The following OPCML variants were observed in gnomAD, a reference collection of about 807,000 sequenced individuals.
OPCML encodes the protein opioid binding protein/cell adhesion molecule like.
Under a neutral mutation model 37.8 loss-of-function variants are expected in OPCML, and 13 were observed. The observed-to-expected ratio is 0.34, with a 90% confidence interval of 0.22 to 0.55. The LOEUF (loss-of-function observed/expected upper bound fraction) is 0.55, where lower values mean the gene tolerates loss of function less well. Ranked by LOEUF, OPCML falls within the 20% of genes least tolerant of loss-of-function variation. The probability of loss-of-function intolerance (pLI) is 0.91; values close to 1 mark genes in which losing one functional copy is unlikely to be tolerated. For synonymous variants in OPCML, 176 were observed against 168.8 expected, an observed-to-expected ratio of 1.04 and a Z score of -0.33; for missense variants, 341 against 435.6, an observed-to-expected ratio of 0.78 and a Z score of 1.93.
At chr11:132,721,928 A>G (rs1052113264) in intron 2 of OPCML, among the ~76,000 whole-genome samples, 1 of 149,478 alleles carries the variant, frequency 6.7e-6, no homozygotes, top group African/African-American at 2.5e-5. Context: ...AAACAAAGGG[A>G]ATGTATTTTT....
chr11:132,685,673 C>T (rs921903934), intron 2 of OPCML, among the ~76,000 whole-genome samples: 4 of 152,142 alleles, frequency 2.6e-5, no homozygotes, highest in Admixed American at 6.5e-5. Context: ...TAACACACTC[C>T]CCCCATCTTT....
chr11:132,503,341 A>G (rs2096249674), intron 4 of OPCML, among the ~76,000 whole-genome samples: 1 of 152,150 alleles, frequency 6.6e-6, no homozygotes, highest in Admixed American at 6.5e-5. Flanking sequence ...ACTGAAATTC[A>G]CAGCAGTCAG....
chr11:132,441,158 C>CTTTTTTTTTTTTTTTTTTTTTTT lies in OPCML; in HGVS notation c.506-3800_506-3799insAAAAAAAAAAAAAAAAAAAAAAA, dbSNP rs749099654. ...ATTCTGAAGATGTGTTCACCAAGGA[C>CTTTTTTTTTTTTTTTTTTTTTTT]TTTTTTGTTTTTTTTTTTTTTTTTT... On this transcript the variant is annotated intron_variant, in intron 4 of 7. Transcript: ENST00000524381. 2.1e-4 allele frequency among the ~76,000 whole-genome samples: 23 copies of CTTTTTTTTTTTTTTTTTTTTTTT among 108,048 alleles called. 1 individual carries two copies. The highest frequency in any genetic ancestry group is 4.0e-4 in the African/African-American group (9 of 22,762). The allele number at this position is 108,048 out of a possible 152,430, so 70.9% of individuals were successfully genotyped here.
chr11:133,340,608 C>CTG (rs5795838), intron 1 of OPCML, among the ~76,000 whole-genome samples: 8,160 of 139,352 alleles, frequency 0.059, 263 homozygotes, highest in South Asian at 0.15. Flanking sequence ...AAGACTCTCT[C>CTG]TGTGTGTGTG....
chr11:133,439,292 G>GTT (rs61423385), intron 1 of OPCML: 767 of 873,992 alleles, frequency 8.8e-4, no homozygotes, highest in Middle Eastern at 4.6e-3. Flanking sequence ...AGTAAAAGAT[G>GTT]TTTTTTTTTT....
chr11:132,743,629 A>G (rs572835311), intron 2 of OPCML, among the ~76,000 whole-genome samples: 1 of 152,332 alleles, frequency 6.6e-6, no homozygotes, highest in South Asian at 2.1e-4. Flanking sequence ...CCTGGAATCC[A>G]AAGGAAAAGC....
intron 2 of OPCML, among the ~76,000 whole-genome samples, chr11:132,895,556 T>C (rs1943807017): frequency 6.6e-6 from 1 of 152,158 alleles, no homozygotes; most frequent in African/African-American, 2.4e-5. Flanking sequence ...AGTGAGGCCA[T>C]TGGTTGAGAC....
intron 1 of OPCML, chr11:133,065,379 C>T (rs1948425086): frequency 6.6e-6 from 1 of 152,220 alleles, no homozygotes; most frequent in African/African-American, 2.4e-5. Context: ...GCCTGTGCTC[C>T]AGGGCAGAGG....
intron 4 of OPCML, among the ~76,000 whole-genome samples, chr11:132,512,797 G>A (rs1215034366): frequency 1.3e-5 from 2 of 151,780 alleles, no homozygotes; most frequent in Middle Eastern, 3.4e-3. Context: ...ATATATAACA[G>A]CAGAAAACAT....
chr11:132,512,918 T>C (rs34434047), intron 4 of OPCML, among the ~76,000 whole-genome samples: 262 of 152,116 alleles, frequency 1.7e-3, no homozygotes, highest in Non-Finnish European at 2.4e-3. Flanking sequence ...ATAGTGATTA[T>C]ATAGATATAT....
At chr11:133,378,131 C>CT (rs1459553231) in intron 1 of OPCML, among the ~76,000 whole-genome samples, 2 of 152,164 alleles carry the variant, frequency 1.3e-5, no homozygotes, top group Non-Finnish European at 2.9e-5. Context: ...TCCCCAAAGC[C>CT]TTTTCTTTTC....
chr11:133,529,228 TG>T (rs1227127874), intron 1 of OPCML, among the ~76,000 whole-genome samples: 2 of 152,250 alleles, frequency 1.3e-5, no homozygotes, highest in African/African-American at 4.8e-5. Flanking sequence ...TGCTTCCGTC[TG>T]AGACGAGGAC....
intron 1 of OPCML, among the ~76,000 whole-genome samples, chr11:133,491,822 G>C (rs1163632718): frequency 6.6e-6 from 1 of 152,166 alleles, no homozygotes; most frequent in Admixed American, 6.5e-5. Context: ...GAAATGCCAG[G>C]GGGAACATGA....
At chr11:132,471,151 T>G (rs573204318) in intron 4 of OPCML, among the ~76,000 whole-genome samples, 9 of 152,176 alleles carry the variant, frequency 5.9e-5, no homozygotes, top group African/African-American at 2.2e-4. Context: ...CTTGATAAAG[T>G]TTCAGCCGAG....
intron 4 of OPCML, among the ~76,000 whole-genome samples, chr11:132,515,899 G>C (rs182285408): frequency 3.9e-5 from 6 of 152,288 alleles, no homozygotes; most frequent in African/African-American, 1.2e-4. Context: ...GACAGGGAAG[G>C]TCAAAATTCT....
At chr11:133,402,251 A>T (rs868435618) in intron 1 of OPCML, among the ~76,000 whole-genome samples, 14 of 118,590 alleles carry the variant, frequency 1.2e-4, no homozygotes, top group Middle Eastern at 3.5e-3. Context: ...CTGATTTTAT[A>T]AAAAAAAACC....
At chr11:132,910,846 C>G (rs1944405472) in intron 2 of OPCML, among the ~76,000 whole-genome samples, 1 of 152,292 alleles carries the variant, frequency 6.6e-6, no homozygotes, top group East Asian at 1.9e-4. Flanking sequence ...AATCTTCTTA[C>G]AAACCCTCAG....
intron 2 of OPCML, among the ~76,000 whole-genome samples, chr11:132,789,470 G>A (rs958916771): frequency 8.5e-5 from 13 of 152,288 alleles, no homozygotes; most frequent in African/African-American, 2.9e-4. Context: ...GAATTTACAA[G>A]AGAATCAGTC....
intron 2 of OPCML, among the ~76,000 whole-genome samples, chr11:132,708,637 T>C (rs942357374): frequency 2.0e-5 from 3 of 152,224 alleles, no homozygotes; most frequent in African/African-American, 7.2e-5. Flanking sequence ...AGTGATTTAC[T>C]CAGACTCTGA....
Sources: allele counts gnomAD v4.1 joint callset (sites outside exome capture counted in the v4.1 genomes callset), GRCh38; gene constraint gnomAD v4.1.1; transcripts MANE v1.5; gene names NCBI Gene and HGNC (gene_info 2026-07-23, HGNC 2026-07-21).